ADGRE3: variants seen among roughly 807,000 people sequenced by gnomAD.
ADGRE3 encodes adhesion G protein-coupled receptor E3.
Under a neutral mutation model 80.1 loss-of-function variants are expected in ADGRE3, and 88 were observed. That is an observed-to-expected ratio of 1.10 (90% CI 0.93 to 1.31). The LOEUF (loss-of-function observed/expected upper bound fraction) is 1.31. ADGRE3 is among the 40% of genes most tolerant of loss of function. The probability of loss-of-function intolerance (pLI) is 0.00; values close to 1 mark genes in which losing one functional copy is unlikely to be tolerated. For missense variants in ADGRE3, 715 were observed against 776.5 expected, an observed-to-expected ratio of 0.92 and a Z score of 0.94; for synonymous variants, 281 against 294.8, an observed-to-expected ratio of 0.95 and a Z score of 0.48.
At chr19:14,672,940 T>C (rs1972294365) in intron 1 of ADGRE3, among the ~76,000 whole-genome samples, 1 of 152,090 alleles carries the variant, frequency 6.6e-6, no homozygotes, top group African/African-American at 2.4e-5. Context: ...GACCCAATGC[T>C]CATATCATCA....
intron 1 of ADGRE3, among the ~76,000 whole-genome samples, chr19:14,669,519 C>T (rs1386774976): frequency 6.6e-6 from 1 of 151,974 alleles, no homozygotes; most frequent in Non-Finnish European, 1.5e-5. Flanking sequence ...GACAGAGTCT[C>T]TTTCTGTCAC....
chr19:14,613,351 A>G, the ADGRE3 span, among the ~76,000 whole-genome samples: 1 of 151,936 alleles, frequency 6.6e-6, no homozygotes, highest in Non-Finnish European at 1.5e-5. Flanking sequence ...ACTCCTGTAT[A>G]ACTAGAACTA....
At chr19:14,648,335 C>T (rs1293439710) in intron 7 of ADGRE3, among the ~76,000 whole-genome samples, 2 of 152,076 alleles carry the variant, frequency 1.3e-5, no homozygotes, top group Non-Finnish European at 2.9e-5. Context: ...TGTGTTTGGC[C>T]TGCACAGAGG....
At chr19:14,646,721 T>G (rs1971418221) in intron 8 of ADGRE3, among the ~76,000 whole-genome samples, 1 of 131,692 alleles carries the variant, frequency 7.6e-6, no homozygotes, top group East Asian at 2.7e-4. Flanking sequence ...CCTTCCTTCC[T>G]TCCTTCCTTC....
intron 2 of ADGRE3, among the ~76,000 whole-genome samples, chr19:14,665,978 A>ATATATATATATATT (rs1568500899): frequency 7.8e-6 from 1 of 128,250 alleles, no homozygotes; most frequent in African/African-American, 2.9e-5. Context: ...ATATATATAT[A>ATATATATATATATT]GTGTTTTCTT....
At chr19:14,674,676 A>G (rs1409375164) in intron 1 of ADGRE3, 70 bp downstream of exon 1, 43 of 1,506,430 alleles carry the variant, frequency 2.9e-5, no homozygotes, top group Middle Eastern at 3.4e-4. Flanking sequence ...GAAAATAACC[A>G]ATTGTTGAAC....
chr19:14,644,285 G>A lies in ADGRE3; in HGVS notation c.883-10C>T. ...TGGTACTGGGGGTCATCTGAAAATA[G>A]AAAATAGAAAGGGCTCATTGTCTTT... is the stretch of plus-strand genomic sequence containing the variant. On this transcript the variant is annotated splice_polypyrimidine_tract_variant and intron_variant, in intron 8 of 15. Transcript: ENST00000253673. The A allele has an allele frequency of 6.8e-7, 1 of 1,481,374 alleles. No individual in the cohort carries two copies. Among genetic ancestry groups the A allele is most frequent in the Admixed American group, 2.5e-5 (1 of 40,372 alleles). 91.8% of individuals were successfully genotyped at this position (1,481,374 alleles called of 1,614,324 possible).
the ADGRE3 span, among the ~76,000 whole-genome samples, chr19:14,606,619 G>A: frequency 5.3e-5 from 8 of 150,800 alleles, no homozygotes; most frequent in Admixed American, 5.3e-4. Context: ...GGTGGAAGCT[G>A]CAGTGAGCTG....
chr19:14,662,237 G>T, intron 3 of ADGRE3, 119 bp from the exon 4 acceptor site: 1 of 965,966 alleles, frequency 1.0e-6, no homozygotes, highest in Non-Finnish European at 1.5e-6. Context: ...AGACAAATCA[G>T]TTTAGGTAAT....
At chr19:14,623,447 G>A (rs1466054391) in intron 15 of ADGRE3, among the ~76,000 whole-genome samples, 1 of 152,114 alleles carries the variant, frequency 6.6e-6, no homozygotes, top group Non-Finnish European at 1.5e-5. Context: ...AATATGGAAC[G>A]AAATGTCACA....
chr19:14,628,986 G>A (rs750707491), intron 14 of ADGRE3, among the ~76,000 whole-genome samples: 17 of 151,972 alleles, frequency 1.1e-4, no homozygotes, highest in Admixed American at 8.5e-4. Context: ...GCAGTGGTGC[G>A]ATCTCGGCTC....
chr19:14,641,076 G>T (rs761034829), intron 10 of ADGRE3, among the ~76,000 whole-genome samples: 15 of 151,952 alleles, frequency 9.9e-5, no homozygotes, highest in Non-Finnish European at 1.9e-4. Flanking sequence ...CATAATTTGT[G>T]CCCCTAGAGA....
intron 1 of ADGRE3, among the ~76,000 whole-genome samples, chr19:14,673,616 A>G (rs931453774): frequency 5.9e-5 from 9 of 152,220 alleles, no homozygotes; most frequent in Admixed American, 2.0e-4. Flanking sequence ...AAATAACATA[A>G]CCTGTGCCCC....
intron 2 of ADGRE3, among the ~76,000 whole-genome samples, chr19:14,667,621 A>G (rs912385163): frequency 5.9e-5 from 9 of 151,978 alleles, no homozygotes; most frequent in African/African-American, 1.9e-4. Flanking sequence ...GTTCTCACTC[A>G]TAGTTGGGAG....
intron 1 of ADGRE3, among the ~76,000 whole-genome samples, chr19:14,670,226 AC>A (rs1326261756): frequency 5.3e-5 from 8 of 152,056 alleles, no homozygotes; most frequent in Admixed American, 4.6e-4. Flanking sequence ...TTGTCCCTTC[AC>A]CTGTTGTCTC....
At position 14,650,638 on chromosome 19, in the gene ADGRE3, TCTC is replaced by T. The variant is rs1568490829; in HGVS notation, c.697+444_697+446del. ...CTTGCTCTCTGTCTCCATCTCTCTC[TCTC>T]TCTCTCTCTCTCTCTCTCTCTCTCT... is the stretch of plus-strand genomic sequence containing the variant. On this transcript the variant is annotated intron_variant, in intron 7 of 15. Transcript: ENST00000253673. Among the ~76,000 whole-genome samples the T allele has an allele frequency of 8.7e-4, 75 of 86,518 alleles. 2 individuals carry two copies. Among genetic ancestry groups the T allele is most frequent in the Admixed American group, 1.8e-3 (17 of 9,216 alleles). The allele number at this position is 86,518 out of a possible 152,430, so 56.8% of individuals were successfully genotyped here.
chr19:14,632,703 C>A (rs940116668), intron 13 of ADGRE3, among the ~76,000 whole-genome samples: 1 of 144,940 alleles, frequency 6.9e-6, no homozygotes, highest in Non-Finnish European at 1.5e-5. Flanking sequence ...CTGAAATAAA[C>A]TTCTATTTTA....
chr19:14,634,328 T>A (rs1414282732), intron 11 of ADGRE3, among the ~76,000 whole-genome samples: 2 of 152,168 alleles, frequency 1.3e-5, no homozygotes, highest in African/African-American at 2.4e-5. Flanking sequence ...CAAAATATAT[T>A]TTCATTTAGA....
intron 5 of ADGRE3, among the ~76,000 whole-genome samples, chr19:14,655,792 C>A (rs1326154043): frequency 1.3e-5 from 2 of 151,778 alleles, no homozygotes; most frequent in Non-Finnish European, 2.9e-5. Context: ...TTTTTGCCAA[C>A]AAGGTAGTGA....
Sources: allele counts gnomAD v4.1 joint callset (sites outside exome capture counted in the v4.1 genomes callset), GRCh38; gene constraint gnomAD v4.1.1; transcripts MANE v1.5; gene names NCBI Gene and HGNC (gene_info 2026-07-23, HGNC 2026-07-21).